Variants in NEGR1 observed in about 807,000 individuals in gnomAD.
NEGR1 encodes the protein neuronal growth regulator 1.
NEGR1 carries 10 observed loss-of-function variants against 40.9 expected under a neutral mutation model. That is an observed-to-expected ratio of 0.24 (90% CI 0.15 to 0.42). The LOEUF is 0.42. NEGR1 is among the 10% of genes least tolerant of loss of function. The pLI is 1.00. For synonymous variants in NEGR1, 185 were observed against 166.8 expected, an observed-to-expected ratio of 1.11 and a Z score of -0.84; for missense variants, 352 against 438.9, an observed-to-expected ratio of 0.80 and a Z score of 1.77.
intron 1 of NEGR1, among the ~76,000 whole-genome samples, chr1:71,977,834 G>T (rs1295873678): frequency 8.2e-6 from 1 of 122,648 alleles, no homozygotes; most frequent in Non-Finnish European, 1.7e-5. Flanking sequence ...AAAAAAAAAA[G>T]TAAAAGAAAG....
chr1:71,549,495 T>A (rs1374957563), intron 6 of NEGR1, among the ~76,000 whole-genome samples: 1 of 151,682 alleles, frequency 6.6e-6, no homozygotes, highest in Non-Finnish European at 1.5e-5. Flanking sequence ...CAAGTGCCTC[T>A]GGAAGGAGAG....
At chr1:72,223,315 G>A (rs1434356225) in intron 1 of NEGR1, among the ~76,000 whole-genome samples, 10 of 152,082 alleles carry the variant, frequency 6.6e-5, no homozygotes, top group South Asian at 4.1e-4. Context: ...AATTCCAATC[G>A]CTTAATATAA....
chr1:71,851,596 G>A (rs1372033453), intron 2 of NEGR1, among the ~76,000 whole-genome samples: 3 of 152,104 alleles, frequency 2.0e-5, no homozygotes, highest in African/African-American at 7.2e-5. Context: ...TTTAGTAAAA[G>A]AGATTTTTAA....
At chr1:72,018,915 A>G (rs1268206342) in intron 1 of NEGR1, among the ~76,000 whole-genome samples, 5 of 152,170 alleles carry the variant, frequency 3.3e-5, no homozygotes, top group Non-Finnish European at 5.9e-5. Flanking sequence ...TACATCCCTC[A>G]GGCTGCTCTT....
At chr1:72,071,259 CAAAA>C (rs1647450757) in intron 1 of NEGR1, among the ~76,000 whole-genome samples, 1 of 151,648 alleles carries the variant, frequency 6.6e-6, no homozygotes, top group Non-Finnish European at 1.5e-5. Context: ...AAAGCTAAAT[CAAAA>C]GAAATCATCC....
chr1:71,628,648 A>C (rs1277000424), intron 4 of NEGR1, among the ~76,000 whole-genome samples: 1 of 151,568 alleles, frequency 6.6e-6, no homozygotes, highest in Non-Finnish European at 1.5e-5. Context: ...CCCACTTATG[A>C]GTGAGAACAT....
At chr1:71,502,725 AC>A (rs2101403197) in intron 6 of NEGR1, among the ~76,000 whole-genome samples, 1 of 152,298 alleles carries the variant, frequency 6.6e-6, no homozygotes, top group Admixed American at 6.5e-5. Flanking sequence ...CACCATGGCA[AC>A]CAGGCAACCT....
chr1:72,138,089 T>C (rs1303692036), intron 1 of NEGR1, among the ~76,000 whole-genome samples: 2 of 152,042 alleles, frequency 1.3e-5, no homozygotes, highest in Non-Finnish European at 2.9e-5. Flanking sequence ...AGGAATATTA[T>C]AACAAATGGA....
At chr1:72,052,629 T>C (rs865824281) in intron 1 of NEGR1, among the ~76,000 whole-genome samples, 4 of 151,526 alleles carry the variant, frequency 2.6e-5, no homozygotes, top group South Asian at 2.1e-4. Flanking sequence ...AGGTGTCTTA[T>C]CAAATAAATT....
intron 3 of NEGR1, among the ~76,000 whole-genome samples, chr1:71,711,831 A>T (rs1329392141): frequency 6.6e-6 from 1 of 152,220 alleles, no homozygotes; most frequent in Admixed American, 6.5e-5. Context: ...AACATGGATG[A>T]ACCTAAGACA....
chr1:72,220,984 T>A (rs569528052), intron 1 of NEGR1, among the ~76,000 whole-genome samples: 1 of 149,708 alleles, frequency 6.7e-6, no homozygotes, highest in Admixed American at 6.7e-5. Context: ...AAAATTACCA[T>A]AATCTAGGTG....
intron 6 of NEGR1, among the ~76,000 whole-genome samples, chr1:71,523,758 T>G (rs1181842640): frequency 6.6e-6 from 1 of 151,828 alleles, no homozygotes; most frequent in Admixed American, 6.6e-5. Flanking sequence ...AAGCTTCTTT[T>G]AAAATACAAA....
intron 2 of NEGR1, among the ~76,000 whole-genome samples, chr1:71,883,600 A>C (rs949789648): frequency 1.3e-5 from 2 of 152,120 alleles, no homozygotes; most frequent in Non-Finnish European, 2.9e-5. Flanking sequence ...TTATACTTTA[A>C]GTTCTAGGGT....
At chr1:71,552,070 G>A (rs1166947402) in intron 6 of NEGR1, among the ~76,000 whole-genome samples, 3 of 151,402 alleles carry the variant, frequency 2.0e-5, no homozygotes, top group African/African-American at 7.3e-5. Context: ...TTTTGCCCCT[G>A]CAGCACCCAG....
In NEGR1 at chr1:71,556,650, CACAT is replaced by C. The variant is rs769711926; in HGVS notation, c.940+36163_940+36166del. Among the ~76,000 whole-genome samples the C allele has an allele frequency of 9.9e-3, 1,483 of 149,952 alleles. 20 individuals carry two copies. The highest frequency in any genetic ancestry group is 0.096 in the Middle Eastern group (28 of 292). The stretch of plus-strand genomic sequence containing the variant: ...GTAATTACACACACACACACACACA[CACAT>C]ACACACACACAAGTCCATGGAGACA... On this transcript the variant is annotated intron_variant, in intron 6 of 6. Coordinates refer to ENST00000357731, the MANE Select transcript of NEGR1 (RefSeq NM_173808.3).
chr1:71,680,179 A>G (rs1314790294), intron 4 of NEGR1, among the ~76,000 whole-genome samples: 2 of 151,964 alleles, frequency 1.3e-5, no homozygotes, highest in African/African-American at 2.4e-5. Flanking sequence ...TTTTTCTTGA[A>G]GAGTTTGTGT....
chr1:72,264,051 T>A (rs867722737), intron 1 of NEGR1, among the ~76,000 whole-genome samples: 1 of 151,324 alleles, frequency 6.6e-6, no homozygotes, highest in African/African-American at 2.4e-5. Context: ...ACAGGCATAT[T>A]CAATATGGAG....
At chr1:71,413,215 C>T (rs1646334874) in intron 6 of NEGR1, among the ~76,000 whole-genome samples, 2 of 152,152 alleles carry the variant, frequency 1.3e-5, no homozygotes. Context: ...CCCAGTACAG[C>T]ACTTAACAAA....
At chr1:72,074,735 A>T (rs1311958430) in intron 1 of NEGR1, among the ~76,000 whole-genome samples, 1 of 152,082 alleles carries the variant, frequency 6.6e-6, no homozygotes, top group African/African-American at 2.4e-5. Flanking sequence ...TTTTTACTTC[A>T]TTCTATATTT....
Sources: gnomAD v4.1 joint callset for allele counts (sites outside exome capture counted in the v4.1 genomes callset) on GRCh38, gnomAD v4.1.1 for gene constraint, MANE v1.5 for transcripts, NCBI Gene and HGNC (gene_info 2026-07-23, HGNC 2026-07-21) for gene names.